The following COX20 variants were observed in gnomAD, a reference collection of about 807,000 sequenced individuals.
COX20 encodes cytochrome c oxidase assembly protein COX20, mitochondrial.
In COX20, 14 loss-of-function variants were observed where a neutral mutation model predicts 14.3. The ratio of observed to expected loss-of-function variants is 0.98; its 90% CI spans 0.65 to 1.53. The LOEUF is 1.53. Ranked by LOEUF, COX20 falls within the 40% of genes most tolerant of loss-of-function variation. The pLI is 0.00. For missense variants in COX20, 149 were observed against 142.1 expected (o/e 1.05, Z -0.25); for synonymous variants, 56 against 51.7 (o/e 1.08, Z -0.36).
chr1:244,842,930 C>G (rs1250138058), intron 3 of COX20, 111 bp from the exon 4 acceptor site: 2 of 798,006 alleles, frequency 2.5e-6, no homozygotes, highest in Non-Finnish European at 3.7e-6. Context: ...ATTTTTCAGT[C>G]TCAGGGTAGT....
intron 1 of COX20, 49 bp from the exon 2 acceptor site, chr1:244,841,884 CAAAGCACCCCA>C (rs1680213566): frequency 1.0e-5 from 11 of 1,084,732 alleles, no homozygotes; most frequent in South Asian, 9.5e-5. Context: ...TCATTTTTGC[CAAAGCACCCCA>C]AAATGAAATA....
intron 3 of COX20, chr1:244,842,626 A>G (rs1356441661): frequency 1.5e-5 from 4 of 272,272 alleles, no homozygotes; most frequent in African/African-American, 2.2e-5. Context: ...GCCAGACCTA[A>G]GAGTATGATA....
intron 1 of COX20, among the ~76,000 whole-genome samples, chr1:244,837,204 T>C (rs1043814423): frequency 6.6e-6 from 1 of 152,016 alleles, no homozygotes; most frequent in Non-Finnish European, 1.5e-5. Flanking sequence ...TGAAGATAGT[T>C]ATAAGCCTCA....
At chr1:244,836,400 A>T (rs1317694322) in intron 1 of COX20, 2 of 1,125,864 alleles carry the variant, frequency 1.8e-6, no homozygotes, top group Non-Finnish European at 2.6e-6. Context: ...AATTCTTGGT[A>T]TAGTAAAGCT....
rs762133192 is a variant in COX20 at position 244,843,190 on chromosome 1, T to A, written c.*14T>A. The A allele has an allele frequency of 7.3e-5, 114 of 1,562,322 alleles. No individual in the cohort carries two copies. In the Middle Eastern group the frequency reaches 1.0e-3, roughly 14 times the overall value. ...AGCAGCAATTGAACAATCTTGAGCA[T>A]AGAAGTCAATGTAAACGAAGTTAAG... On this transcript the variant is annotated 3_prime_UTR_variant, in exon 4 of 4. Coordinates refer to ENST00000411948, the MANE Select transcript of COX20 (RefSeq NM_198076.6).
chr1:244,835,477 C>G (rs940020289), upstream of COX20: 4 of 383,696 alleles, frequency 1.0e-5, no homozygotes, highest in African/African-American at 6.3e-5. Context: ...CCCCTGCAGG[C>G]TGTGTGCCGA....
chr1:244,840,360 C>T (rs1441766097), intron 1 of COX20: 1 of 152,214 alleles, frequency 6.6e-6, no homozygotes, highest in African/African-American at 2.4e-5. Flanking sequence ...TGGTACTAAT[C>T]CTCTGGCCCC....
intron 1 of COX20, among the ~76,000 whole-genome samples, chr1:244,837,935 T>C (rs910520488): frequency 6.6e-6 from 1 of 152,218 alleles, no homozygotes; most frequent in African/African-American, 2.4e-5. Flanking sequence ...ATTATAGTCA[T>C]CTGATACACA....
rs190373961 is a variant in COX20 at position 244,842,400 on chromosome 1, G to A, written c.221+142G>A. ...TCTTGATTTTTCAGGACATTTTCAT[G>A]GAAATCTTAAAATGCTTGAACAGAT... On this transcript the variant is annotated intron_variant, in intron 3 of 3. Coordinates refer to ENST00000411948, the MANE Select transcript of COX20 (RefSeq NM_198076.6). 7.1e-4 allele frequency: 485 copies of A among 682,366 alleles called. 1 individual carries two copies. In the African/African-American group the frequency reaches 7.8e-3, roughly 11 times the overall value. 42.3% of individuals were successfully genotyped at this position (682,366 alleles called of 1,614,324 possible).
At chr1:244,842,536 A>G in intron 3 of COX20, 2 of 387,334 alleles carry the variant, frequency 5.2e-6, no homozygotes, top group Non-Finnish European at 9.3e-6. Flanking sequence ...CTGCTTATTC[A>G]TATCTGAAAA....
At position 244,836,639 on chromosome 1, in the gene COX20, TTAATA is replaced by T. The variant is rs1287457703; in HGVS notation, c.42+887_42+891del. The stretch of plus-strand genomic sequence containing the variant: ...AAGAATAATGCAAGAGGAAAAAAGT[TTAATA>T]TAAACTAGGGAGATCGTAACATTGG... On this transcript the variant is annotated intron_variant, in intron 1 of 3. Coordinates refer to ENST00000411948, the MANE Select transcript of COX20 (RefSeq NM_198076.6). 6 of 881,694 alleles carry T rather than the reference TTAATA, an allele frequency of 6.8e-6. No individual in the cohort carries two copies. In the Admixed American group the frequency reaches 1.3e-4, roughly 19 times the overall value. The allele number at this position is 881,694 out of a possible 1,614,324, so 54.6% of individuals were successfully genotyped here. A position where few individuals can be genotyped will look rare whatever the true frequency, so the allele number is the denominator to read the frequency against.
rs1680238771 is a variant in COX20, at chr1:244,842,274, A to C, written c.221+16A>C. The C allele has an allele frequency of 6.5e-7, 1 of 1,541,294 alleles. No homozygotes were observed. The highest frequency in any genetic ancestry group is 9.0e-7 in the Non-Finnish European group (1 of 1,113,778). ...TGGGATGCTGGTATGTTTGCTAAGTATTCAAGAACATCCATGATTATAGTA... is the reference window on the plus strand; with the variant it reads ...TGGGATGCTGGTATGTTTGCTAAGTCTTCAAGAACATCCATGATTATAGTA... On this transcript the variant is annotated intron_variant, in intron 3 of 3. Coordinates refer to ENST00000411948, the MANE Select transcript of COX20 (RefSeq NM_198076.6).
In COX20 at chr1:244,843,070, A is replaced by C; in HGVS notation, c.251A>C (p.Gln84Pro). ...CATTGTAGGTATAATTATGCAAAGC[A>C]AAGAATCCAGGAAAGAATTGCCAGA... The part of the protein sequence containing the change: ...WFHCRYNYAK[Q>P]RIQERIAREE... The change falls in exon 4 of 4, where the codon CAA becomes CCA. Residue 84 changes from glutamine to proline, a missense_variant. By Grantham distance (76) the Gln-to-Pro change is moderately conservative. Transcript: ENST00000411948. 1 of 1,590,768 alleles carries C rather than the reference A, an allele frequency of 6.3e-7. No homozygotes were observed. The highest frequency in any genetic ancestry group is 8.5e-7 in the Non-Finnish European group (1 of 1,170,838).
In COX20 at chr1:244,836,459, C is replaced by T. The variant is rs765867385; in HGVS notation, c.42+703C>T. ...GGCTCCTGTGTTTCACCAAAGCTGA[C>T]TTACGTACTTTCCCCATCTTCCCAG... On this transcript the variant is annotated intron_variant, in intron 1 of 3. Coordinates refer to ENST00000411948, the MANE Select transcript of COX20 (RefSeq NM_198076.6). 41 of 1,548,738 alleles carry T rather than the reference C, an allele frequency of 2.6e-5. No individual in the cohort carries two copies. The South Asian group carries it at 4.8e-4, about 18-fold the overall frequency.
chr1:244,842,341 C>A, intron 3 of COX20, 83 bp downstream of exon 3: 2 of 940,842 alleles, frequency 2.1e-6, no homozygotes, highest in South Asian at 2.6e-5. Context: ...TCAGAGCAGT[C>A]TCCCATTGGG....
At chr1:244,835,641 G>C, upstream of COX20, 3 of 1,160,520 alleles carry the variant, frequency 2.6e-6, no homozygotes, top group Non-Finnish European at 3.3e-6. Context: ...GGGACGGGGA[G>C]GGGCGCGGCC....
intron 1 of COX20, among the ~76,000 whole-genome samples, chr1:244,838,035 T>C (rs1680051294): frequency 2.0e-5 from 3 of 151,970 alleles, no homozygotes; most frequent in Admixed American, 6.6e-5. Context: ...AAAAAAAAAA[T>C]TGTCTTTTGA....
At chr1:244,838,344 G>C (rs1213117837) in intron 1 of COX20, among the ~76,000 whole-genome samples, 3 of 152,162 alleles carry the variant, frequency 2.0e-5, no homozygotes, top group Non-Finnish European at 4.4e-5. Context: ...TGAAGCTTGG[G>C]AGAGATTAGG....
At chr1:244,839,549 C>T (rs1573311899) in intron 1 of COX20, among the ~76,000 whole-genome samples, 1 of 152,090 alleles carries the variant, frequency 6.6e-6, no homozygotes, top group East Asian at 1.9e-4. Flanking sequence ...ATATTATGAA[C>T]AGAATATTTC....
Sources: allele counts gnomAD v4.1 joint callset (sites outside exome capture counted in the v4.1 genomes callset), GRCh38; gene constraint gnomAD v4.1.1; transcripts MANE v1.5; gene names NCBI Gene and HGNC (gene_info 2026-07-23, HGNC 2026-07-21).